The following RAP2A variants were observed in gnomAD, a reference collection of about 807,000 sequenced individuals.
RAP2A encodes the protein ras-related protein Rap-2a.
In RAP2A, 5 loss-of-function variants were observed where a neutral mutation model predicts 15.1. The ratio of observed to expected loss-of-function variants is 0.33; its 90% confidence interval spans 0.17 to 0.70. The LOEUF (loss-of-function observed/expected upper bound fraction) is 0.70. Among genes scored for constraint, RAP2A ranks in the 30% least tolerant of loss-of-function variants. The pLI is 0.68. For synonymous variants in RAP2A, 110 were observed against 99.7 expected (o/e 1.10, Z -0.62); for missense variants, 111 against 240.3 (o/e 0.46, Z 3.56).
At chr13:97,441,560 A>G (rs1338825778) in intron 1 of RAP2A, among the ~76,000 whole-genome samples, 1 of 152,148 alleles carries the variant, frequency 6.6e-6, no homozygotes, top group Non-Finnish European at 1.5e-5. Flanking sequence ...CATAAAACCA[A>G]GTACACTGTA....
At chr13:97,442,815 C>T (rs187337996) in intron 1 of RAP2A, among the ~76,000 whole-genome samples, 2 of 152,162 alleles carry the variant, frequency 1.3e-5, no homozygotes, top group South Asian at 2.1e-4. Flanking sequence ...TGTAAGATTA[C>T]GAAAATGAAG....
At position 97,467,560 on chromosome 13, in the gene RAP2A, C is replaced by G. The variant is rs2066777565; in HGVS notation, c.*3118C>G. ...TGAAAGTGCTTTGTTTTGTTTGTTG[C>G]TGTTTTTTGTTTATGTGTGTGTTTT... On this transcript the variant is annotated 3_prime_UTR_variant, in exon 2 of 2. Transcript: ENST00000245304. 1 of 152,354 alleles carries G rather than the reference C, an allele frequency of 6.6e-6. No individual in the cohort carries two copies. The highest frequency in any genetic ancestry group is 2.4e-5 in the African/African-American group (1 of 41,314). 9.4% of individuals were successfully genotyped at this position (152,354 alleles called of 1,614,324 possible). A position where few individuals can be genotyped will look rare whatever the true frequency, so the allele number is the denominator to read the frequency against.
At chr13:97,435,941 C>T (rs2066632346) in intron 1 of RAP2A, 1 of 152,136 alleles carries the variant, frequency 6.6e-6, no homozygotes, top group African/African-American at 2.4e-5. Flanking sequence ...TGAGTCCACT[C>T]ATTTTGAAAG....
At chr13:97,462,241 TCAAG>T (rs972730580) in intron 1 of RAP2A, among the ~76,000 whole-genome samples, 2 of 151,942 alleles carry the variant, frequency 1.3e-5, no homozygotes, top group Non-Finnish European at 1.5e-5. Flanking sequence ...TACTCCACTG[TCAAG>T]CAAAGCATTT....
In RAP2A at chr13:97,464,736, G is replaced by C; in HGVS notation, c.*294G>C. Reference sequence around the variant, plus strand: ...AAAGCTATGATGGCATTGTCGCTGAGTTGACAGAAGCAACTATTGTACAAA... The same window carrying C: ...AAAGCTATGATGGCATTGTCGCTGACTTGACAGAAGCAACTATTGTACAAA... On this transcript the variant is annotated 3_prime_UTR_variant, in exon 2 of 2. Coordinates refer to ENST00000245304, the MANE Select transcript of RAP2A (RefSeq NM_021033.7). 2.8e-6 allele frequency: 1 copy of C among 351,626 alleles called. No homozygotes were observed. The highest frequency in any genetic ancestry group is 4.9e-5 in the East Asian group (1 of 20,536). The allele number at this position is 351,626 out of a possible 1,614,324, so 21.8% of individuals were successfully genotyped here.
intron 1 of RAP2A, among the ~76,000 whole-genome samples, chr13:97,446,072 TC>T (rs1469789958): frequency 6.6e-6 from 1 of 152,224 alleles, no homozygotes; most frequent in Non-Finnish European, 1.5e-5. Flanking sequence ...ATATCTATTT[TC>T]CTTTGAATAA....
chr13:97,445,026 A>G (rs9300412), intron 1 of RAP2A, among the ~76,000 whole-genome samples: 6,142 of 152,218 alleles, frequency 0.04, 200 homozygotes, highest in African/African-American at 0.087. Context: ...TATGGTGTAA[A>G]GGGCAAAATG....
intron 1 of RAP2A, among the ~76,000 whole-genome samples, chr13:97,459,927 G>A (rs2066739452): frequency 6.6e-6 from 1 of 152,210 alleles, no homozygotes; most frequent in South Asian, 2.1e-4. Context: ...AATATGTGTT[G>A]AGTGGATGGA....
chr13:97,445,071 C>T (rs1466110288), intron 1 of RAP2A, among the ~76,000 whole-genome samples: 1 of 152,078 alleles, frequency 6.6e-6, no homozygotes, highest in African/African-American at 2.4e-5. Flanking sequence ...GGCACTAATC[C>T]CATTCATGAG....
chr13:97,462,611 T>G (rs964707232), intron 1 of RAP2A, among the ~76,000 whole-genome samples: 1 of 152,232 alleles, frequency 6.6e-6, no homozygotes, highest in Non-Finnish European at 1.5e-5. Flanking sequence ...AGTAAATTTA[T>G]ATAAAGTCCT....
Position 97,464,664 on chromosome 13 carries a change from T to A in RAP2A, c.*222T>A. ...TTGTCCTCAGTCTCCTTTATGCATC[T>A]GCAACTTTAAGGCATAGTCCATCGA... On this transcript the variant is annotated 3_prime_UTR_variant, in exon 2 of 2. Transcript: ENST00000245304. 1.8e-6 allele frequency: 1 copy of A among 569,072 alleles called. No individual in the cohort carries two copies. Among genetic ancestry groups the A allele is most frequent in the Non-Finnish European group, 3.1e-6 (1 of 320,334 alleles). The allele number at this position is 569,072 out of a possible 1,614,324, so 35.3% of individuals were successfully genotyped here.
intron 1 of RAP2A, among the ~76,000 whole-genome samples, chr13:97,435,574 A>G (rs1237302361): frequency 1.3e-5 from 2 of 151,336 alleles, no homozygotes; most frequent in African/African-American, 4.8e-5. Flanking sequence ...ATTTAAAGTT[A>G]ATGTTAATAA....
intron 1 of RAP2A, among the ~76,000 whole-genome samples, chr13:97,463,279 G>T (rs1034961579): frequency 2.0e-5 from 3 of 152,218 alleles, no homozygotes; most frequent in Non-Finnish European, 1.5e-5. Flanking sequence ...TGTGCTACAT[G>T]GAGTAACCAT....
chr13:97,466,436 CAT>C lies in RAP2A; in HGVS notation c.*1995_*1996del, dbSNP rs879871582. The C allele has an allele frequency of 6.6e-5, 10 of 152,082 alleles. No individual in the cohort carries two copies. Among genetic ancestry groups the C allele is most frequent in the Admixed American group, 6.5e-4 (10 of 15,278 alleles). The allele number at this position is 152,082 out of a possible 1,614,324, so 9.4% of individuals were successfully genotyped here. On this transcript the variant is annotated 3_prime_UTR_variant, in exon 2 of 2. Coordinates refer to ENST00000245304, the MANE Select transcript of RAP2A (RefSeq NM_021033.7). The stretch of plus-strand genomic sequence containing the variant: ...TGTGTAAAAGTTGGTTTGATTCAAA[CAT>C]GTAGAGAAGTTGTAGATTCAAGATA...
intron 1 of RAP2A, among the ~76,000 whole-genome samples, chr13:97,461,383 A>G (rs1026646753): frequency 6.6e-6 from 1 of 150,752 alleles, no homozygotes; most frequent in African/African-American, 2.5e-5. Flanking sequence ...ACTTGATTTT[A>G]GAAAAGGCCA....
At chr13:97,440,875 A>G (rs1006771618) in intron 1 of RAP2A, among the ~76,000 whole-genome samples, 22 of 152,136 alleles carry the variant, frequency 1.4e-4, no homozygotes, top group African/African-American at 5.1e-4. Context: ...TTCTTAGCAA[A>G]TGTTTATACA....
intron 1 of RAP2A, among the ~76,000 whole-genome samples, chr13:97,460,125 C>G (rs1044858829): frequency 3.3e-5 from 5 of 152,324 alleles, no homozygotes; most frequent in African/African-American, 1.2e-4. Flanking sequence ...GCTGTTGAGT[C>G]AGAGCATGCT....
rs1339621006 is a variant in RAP2A, at chr13:97,465,980, C to G, written c.*1538C>G. On this transcript the variant is annotated 3_prime_UTR_variant, in exon 2 of 2. Coordinates refer to ENST00000245304, the MANE Select transcript of RAP2A (RefSeq NM_021033.7). ...CAGTCTTGTGCAAGTAACCTCTGGTCTTACGTGTGTAACTGAGAGAAGAGT... is the reference window on the plus strand; with the variant it reads ...CAGTCTTGTGCAAGTAACCTCTGGTGTTACGTGTGTAACTGAGAGAAGAGT... 1 of 152,082 alleles carries G rather than the reference C, an allele frequency of 6.6e-6. No individual in the cohort carries two copies. Among genetic ancestry groups the G allele is most frequent in the Non-Finnish European group, 1.5e-5 (1 of 68,024 alleles). The allele number at this position is 152,082 out of a possible 1,614,324, so 9.4% of individuals were successfully genotyped here.
At chr13:97,457,457 A>G (rs2066727949) in intron 1 of RAP2A, among the ~76,000 whole-genome samples, 1 of 152,074 alleles carries the variant, frequency 6.6e-6, no homozygotes, top group Admixed American at 6.6e-5. Context: ...TACGATACAT[A>G]TTATTAAAGT....
Sources: gnomAD v4.1 joint callset for allele counts (sites outside exome capture counted in the v4.1 genomes callset) on GRCh38, gnomAD v4.1.1 for gene constraint, MANE v1.5 for transcripts, NCBI Gene and HGNC (gene_info 2026-07-23, HGNC 2026-07-21) for gene names.